DIPK2A: variants seen among roughly 807,000 people sequenced by gnomAD.
DIPK2A encodes divergent protein kinase domain 2A, also known as Golgi Protein of 49 kDa.
A neutral mutation model predicts 39.0 loss-of-function variants in DIPK2A; 27 were observed. The observed-to-expected ratio is 0.69, with a 90% CI of 0.51 to 0.96. DIPK2A has a LOEUF of 0.96. Ranked by LOEUF, DIPK2A falls within the 40% of genes least tolerant of loss-of-function variation. The pLI, the probability that DIPK2A is intolerant of heterozygous loss-of-function variation, is 0.00. For missense variants in DIPK2A, 528 were observed against 571.3 expected, an observed-to-expected ratio of 0.92 and a Z score of 0.77; for synonymous variants, 298 against 240.8, an observed-to-expected ratio of 1.24 and a Z score of -2.20.
chr3:143,973,123 AG>A, intron 1 of DIPK2A, 134 bp downstream of exon 1: 1 of 1,269,830 alleles, frequency 7.9e-7, no homozygotes, highest in Non-Finnish European at 1.1e-6. Flanking sequence ...AGGCGTGGGA[AG>A]GGGCGTCTCC....
chr3:143,979,262 A>G (rs902273453), intron 1 of DIPK2A, among the ~76,000 whole-genome samples: 13 of 152,168 alleles, frequency 8.5e-5, no homozygotes, highest in Admixed American at 4.6e-4. Flanking sequence ...GATTTGTCTC[A>G]TATGAAGTGT....
Position 143,990,399 on chromosome 3 carries a change from T to C in DIPK2A, c.*558T>C, listed in dbSNP as rs559598108. On this transcript the variant is annotated 3_prime_UTR_variant, in exon 3 of 3. Coordinates refer to ENST00000315691, the MANE Select transcript of DIPK2A (RefSeq NM_173552.5). ...AGTGCTATTTGGTACATATTTACTG[T>C]TAGGGCAGGATTCCCAGGTTTACTG... 6.6e-6 allele frequency: 1 copy of C among 152,202 alleles called. No homozygotes were observed. Among genetic ancestry groups the C allele is most frequent in the East Asian group, 1.9e-4 (1 of 5,174 alleles). The allele number at this position is 152,202 out of a possible 1,614,324, so 9.4% of individuals were successfully genotyped here.
intron 2 of DIPK2A, among the ~76,000 whole-genome samples, chr3:143,988,391 C>T (rs1366438281): frequency 6.6e-6 from 1 of 152,094 alleles, no homozygotes; most frequent in East Asian, 1.9e-4. Flanking sequence ...TGAGCCACCC[C>T]GCCCAGCCTG....
At chr3:143,982,760 A>C (rs141456888) in intron 1 of DIPK2A, among the ~76,000 whole-genome samples, 1,526 of 152,274 alleles carry the variant, frequency 0.01, 23 homozygotes, top group African/African-American at 0.035. Flanking sequence ...ATTAACCTTA[A>C]ATGTAAATTG....
intron 1 of DIPK2A, among the ~76,000 whole-genome samples, chr3:143,980,011 G>A (rs1216023327): frequency 1.3e-5 from 2 of 152,164 alleles, no homozygotes; most frequent in Admixed American, 6.5e-5. Flanking sequence ...CTATTTAGCA[G>A]TATAAATTAA....
At chr3:143,974,616 TTC>T (rs1214948817) in intron 1 of DIPK2A, among the ~76,000 whole-genome samples, 2 of 152,200 alleles carry the variant, frequency 1.3e-5, no homozygotes, top group Non-Finnish European at 2.9e-5. Context: ...CCCGGACAAA[TTC>T]TCTGAGACCC....
At position 143,972,896 on chromosome 3, in the gene DIPK2A, C is replaced by T. The variant is rs780695416; in HGVS notation, c.564C>T (p.Asp188=). The stretch of plus-strand genomic sequence containing the variant: ...TGCGCCGCTACGCGGAGACCAAGGA[C>T]TCGGGCAGCTTCCTGCTTCGCAACC... ...RLVRRYAETK[D]SGSFLLRNLK... Residue 188 remains aspartate (D), a synonymous_variant, in exon 1 of 3, where the codon GAC becomes GAT. Transcript: ENST00000315691. 4.4e-6 allele frequency: 7 copies of T among 1,582,206 alleles called. No individual in the cohort carries two copies. The highest frequency in any genetic ancestry group is 2.3e-5 in the East Asian group (1 of 43,604).
chr3:143,983,077 G>T (rs1257128965), intron 1 of DIPK2A, among the ~76,000 whole-genome samples: 1 of 152,074 alleles, frequency 6.6e-6, no homozygotes, highest in Non-Finnish European at 1.5e-5. Context: ...GTTTCATAAA[G>T]TAAGTTCTTA....
chr3:143,977,883 A>G (rs962470604), intron 1 of DIPK2A, among the ~76,000 whole-genome samples: 2 of 152,144 alleles, frequency 1.3e-5, no homozygotes, highest in African/African-American at 2.4e-5. Flanking sequence ...AATCGCCCTT[A>G]AGAAAGCATC....
At chr3:143,985,999 C>T (rs761120757) in intron 2 of DIPK2A, 153 bp downstream of exon 2, 159 of 617,148 alleles carry the variant, frequency 2.6e-4, no homozygotes, top group Middle Eastern at 4.3e-4. Flanking sequence ...TAAACAAATA[C>T]AGATACTCTT....
Position 143,991,398 on chromosome 3 carries a change from A to G in DIPK2A, c.*1557A>G, listed in dbSNP as rs1374506904. 6.6e-6 allele frequency: 1 copy of G among 152,632 alleles called. No individual in the cohort carries two copies. The highest frequency in any genetic ancestry group is 6.5e-5 in the Admixed American group (1 of 15,288). 9.5% of individuals were successfully genotyped at this position (152,632 alleles called of 1,614,324 possible). A position where few individuals can be genotyped will look rare whatever the true frequency, so the allele number is the denominator to read the frequency against. On this transcript the variant is annotated 3_prime_UTR_variant, in exon 3 of 3. Coordinates refer to ENST00000315691, the MANE Select transcript of DIPK2A (RefSeq NM_173552.5). ...ACGGTTAAGTAACTTTACAATTATT[A>G]TCAAATACTTCAATGTAGATATTTC...
Position 143,990,489 on chromosome 3 carries a change from A to G in DIPK2A, c.*648A>G, listed in dbSNP as rs1018519040. The G allele has an allele frequency of 6.0e-5, 9 of 150,632 alleles. No homozygotes were observed. The highest frequency in any genetic ancestry group is 2.2e-4 in the African/African-American group (9 of 40,910). 9.3% of individuals were successfully genotyped at this position (150,632 alleles called of 1,614,324 possible). ...ATTATGTAAATACTTCTTTTCACCA[A>G]CTTCTGTAGTTTCACCATTGCATGG... On this transcript the variant is annotated 3_prime_UTR_variant, in exon 3 of 3. Coordinates refer to ENST00000315691, the MANE Select transcript of DIPK2A (RefSeq NM_173552.5).
rs766093011 is a variant in DIPK2A, at chr3:143,972,883, C to T, written c.551C>T (p.Ala184Val). The T allele has an allele frequency of 4.4e-6, 7 of 1,579,172 alleles. No individual in the cohort carries two copies. The highest frequency in any genetic ancestry group is 5.2e-6 in the Non-Finnish European group (6 of 1,164,784). ...CTCGACCGCCTGGTGCGCCGCTACG[C>T]GGAGACCAAGGACTCGGGCAGCTTC... ...RLLDRLVRRYAETKDSGSFLL... is the reference protein window; with the variant it reads ...RLLDRLVRRYVETKDSGSFLL... Residue 184 changes from alanine (A) to valine (V), a missense_variant, in exon 1 of 3, where the codon GCG (alanine) becomes GTG (valine). Transcript: ENST00000315691.
chr3:143,974,541 G>C (rs912699388), intron 1 of DIPK2A, among the ~76,000 whole-genome samples: 1 of 152,178 alleles, frequency 6.6e-6, no homozygotes, highest in African/African-American at 2.4e-5. Flanking sequence ...CTTTAAAAGA[G>C]AACCTTGTTT....
At chr3:143,978,616 C>CTATATCTATATATA (rs2087767949) in intron 1 of DIPK2A, 2 of 126,124 alleles carry the variant, frequency 1.6e-5, no homozygotes, top group African/African-American at 5.7e-5. Flanking sequence ...ATATATATAT[C>CTATATCTATATATA]TATATCTATA....
At chr3:143,980,469 G>C (rs2087811474) in intron 1 of DIPK2A, among the ~76,000 whole-genome samples, 1 of 152,034 alleles carries the variant, frequency 6.6e-6, no homozygotes, top group Non-Finnish European at 1.5e-5. Context: ...GTTTCACCAT[G>C]TTGGCCAGGC....
At chr3:143,987,829 A>G (rs2087925225) in intron 2 of DIPK2A, among the ~76,000 whole-genome samples, 1 of 152,184 alleles carries the variant, frequency 6.6e-6, no homozygotes, top group South Asian at 2.1e-4. Flanking sequence ...TTAGTCCATT[A>G]AAACCTGACG....
At position 143,990,561 on chromosome 3, in the gene DIPK2A, TAGA is replaced by T. The variant is rs2087969559; in HGVS notation, c.*723_*725del. The T allele has an allele frequency of 6.6e-6, 1 of 152,528 alleles. No individual in the cohort carries two copies. Among genetic ancestry groups the T allele is most frequent in the Non-Finnish European group, 1.5e-5 (1 of 67,998 alleles). 9.4% of individuals were successfully genotyped at this position (152,528 alleles called of 1,614,324 possible). On this transcript the variant is annotated 3_prime_UTR_variant, in exon 3 of 3. Transcript: ENST00000315691. Reference sequence around the variant, plus strand: ...AGTTATATCCCTCTATGCCAATAATTAGAAGTGTACACTAAACATGAAGTTTGG... The same window carrying T: ...AGTTATATCCCTCTATGCCAATAATTAGTGTACACTAAACATGAAGTTTGG...
In DIPK2A at chr3:143,992,000, T is replaced by A. The variant is rs2087995097; in HGVS notation, c.*2159T>A. On this transcript the variant is annotated 3_prime_UTR_variant, in exon 3 of 3. Transcript: ENST00000315691. The stretch of plus-strand genomic sequence containing the variant: ...AACTACCATTTCCCCTCCATGAAAT[T>A]ATGTGAAATTTATTTTATCTTTGGG... The A allele has an allele frequency of 6.6e-6, 1 of 152,566 alleles. No individual in the cohort carries two copies. Among genetic ancestry groups the A allele is most frequent in the South Asian group, 2.1e-4 (1 of 4,828 alleles). 9.5% of individuals were successfully genotyped at this position (152,566 alleles called of 1,614,324 possible).
Sources: allele counts gnomAD v4.1 joint callset (sites outside exome capture counted in the v4.1 genomes callset), GRCh38; gene constraint gnomAD v4.1.1; transcripts MANE v1.5; gene names NCBI Gene and HGNC (gene_info 2026-07-23, HGNC 2026-07-21).